The following UNC13D variants were observed in gnomAD, a reference collection of about 807,000 sequenced individuals.
UNC13D encodes unc-13 homolog D, also known as protein unc-13 homolog D.
A neutral mutation model predicts 151.7 loss-of-function variants in UNC13D; 115 were observed. The observed-to-expected ratio is 0.76, with a 90% CI of 0.65 to 0.88. UNC13D has a LOEUF of 0.88. Among genes scored for constraint, UNC13D ranks in the 40% least tolerant of loss-of-function variants. The probability of loss-of-function intolerance (pLI) is 0.00; values close to 1 mark genes in which losing one functional copy is unlikely to be tolerated. For synonymous variants in UNC13D, 588 were observed against 612.2 expected (o/e 0.96, Z 0.58); for missense variants, 1,369 against 1,438.7 (o/e 0.95, Z 0.78).
At chr17:75,842,307 T>C in intron 6 of UNC13D, 126 bp downstream of exon 6, 1 of 1,331,510 alleles carries the variant, frequency 7.5e-7, no homozygotes, top group Non-Finnish European at 1.0e-6. Flanking sequence ...GCTTCTCCTC[T>C]AGTCTTTGCC....
rs1316001288 is a variant in UNC13D at position 75,831,696 on chromosome 17, C to T, written c.2448-348G>A. The stretch of plus-strand genomic sequence containing the variant: ...GACAGAACCAGGCCGGGCGTGGTGG[C>T]TCACGCCTGTAATCCCAGCACTTTG... On this transcript the variant is annotated intron_variant, in intron 25 of 31. Coordinates refer to ENST00000207549, the MANE Select transcript of UNC13D (RefSeq NM_199242.3). 13 of 336,704 alleles carry T rather than the reference C, an allele frequency of 3.9e-5. 1 individual carries two copies. The highest frequency in any genetic ancestry group is 6.2e-5 in the Non-Finnish European group (11 of 177,286). The allele number at this position is 336,704 out of a possible 1,614,324, so 20.9% of individuals were successfully genotyped here. A position where few individuals can be genotyped will look rare whatever the true frequency, so the allele number is the denominator to read the frequency against.
At chr17:75,829,860 G>A in intron 30 of UNC13D, 168 bp downstream of exon 30, 1 of 1,069,188 alleles carries the variant, frequency 9.4e-7, no homozygotes, top group Non-Finnish European at 1.3e-6. Context: ...TGACAGGTGT[G>A]AGCCACCACA....
chr17:75,830,592 G>A lies in UNC13D; in HGVS notation c.2695C>T (p.Arg899Ter), dbSNP rs766657895. The A allele has an allele frequency of 1.3e-5, 21 of 1,560,746 alleles. No individual in the cohort carries two copies. The highest frequency in any genetic ancestry group is 2.7e-5 in the African/African-American group (2 of 73,474). ...RELIRKYFCS[R>*]IQQQAETTSE... ...AGGGGCCTCACCTGCTGCTGGATTCGGCTGCAGAAGTACTTCCGGATGAGT... is the reference window on the plus strand; with the variant it reads ...AGGGGCCTCACCTGCTGCTGGATTCAGCTGCAGAAGTACTTCCGGATGAGT... The change falls in exon 28 of 32, where the codon CGA becomes TGA. Residue 899 changes from arginine (R) to a stop codon, truncating the protein, a stop_gained. Coordinates refer to ENST00000207549, the MANE Select transcript of UNC13D (RefSeq NM_199242.3). LOFTEE classifies it high-confidence loss of function.
rs777262533 is a variant in UNC13D, at chr17:75,830,450, C to T, written c.2742G>A (p.Val914=). 4 of 1,587,520 alleles carry T rather than the reference C, an allele frequency of 2.5e-6. No homozygotes were observed. The African/African-American group carries it at 5.4e-5, about 21-fold the overall frequency. The part of the protein sequence containing the change: ...AETTSEELGA[V]TVKASYRASE... Reference sequence around the variant, plus strand: ...AGGCGCGGTAGGAGGCCTTGACTGTCACAGCCCCCAGCTCCTCAGAGGTGG... The same window carrying T: ...AGGCGCGGTAGGAGGCCTTGACTGTTACAGCCCCCAGCTCCTCAGAGGTGG... Residue 914 remains valine, a synonymous_variant, in exon 29 of 32, where the codon GTG becomes GTA. Transcript: ENST00000207549.
intron 31 of UNC13D, among the ~76,000 whole-genome samples, 198 bp downstream of exon 31, chr17:75,828,589 C>A (rs1048505491): frequency 3.9e-5 from 6 of 152,226 alleles, no homozygotes; most frequent in Non-Finnish European, 7.3e-5. Context: ...GTGACTTCCC[C>A]ATGCAAGGAG....
chr17:75,833,791 G>A lies in UNC13D; in HGVS notation c.2367+284C>T, dbSNP rs777220133. 1.3e-5 allele frequency among the ~76,000 whole-genome samples: 2 copies of A among 152,144 alleles called. No individual in the cohort carries two copies. The highest frequency in any genetic ancestry group is 2.1e-4 in the South Asian group (1 of 4,832). On this transcript the variant is annotated intron_variant, in intron 24 of 31. Transcript: ENST00000207549. This position sits in a 1 kb window ranked among gnomAD's most constrained non-coding sequence, Gnocchi z 4.0. ...GTCAGCTGGCTTGTGTGAACAGGAC[G>A]GCAAAGCTAGGAGGCAGCTGAGAAG...
At position 75,835,438 on chromosome 17, in the gene UNC13D, G is replaced by C. The variant is rs374106771; in HGVS notation, c.1819C>G (p.Arg607Gly). ...LQKTYNEALA[R>G]VQRAVQMDEL... ...TCCATCTGCACAGCGCGCTGCACCC[G>C]CGCCAGGGCCTCGTTGTACGTCTTC... Residue 607 changes from arginine (R) to glycine (G), a missense_variant, in exon 20 of 32, where the codon CGG becomes GGG. Physicochemically the swap from Arg to Gly is moderately radical, Grantham distance 125. Around this residue, in one of 3 missense-constraint regions of UNC13D, gnomAD observed 807 missense variants for 795.5 expected, o/e 1.01. Transcript: ENST00000207549. The C allele has an allele frequency of 5.0e-5, 81 of 1,612,674 alleles. No homozygotes were observed. Among genetic ancestry groups the C allele is most frequent in the Non-Finnish European group, 6.6e-5 (78 of 1,179,838 alleles).
At position 75,828,839 on chromosome 17, in the gene UNC13D, C is replaced by G. The variant is rs770898851; in HGVS notation, c.3099G>C (p.Glu1033Asp). ...REVPGLSGSE[E>D]PGEVPQTRLP... ...GGCGGGTCTGAGGCACCTCACCAGG[C>G]TCCTCAGAGCCACTCAGCCCGGGCA... The change falls in exon 31 of 32, where the codon GAG becomes GAC. Residue 1033 changes from glutamate (E) to aspartate (D), a missense_variant. By Grantham distance (45) the Glu-to-Asp change is conservative. Coordinates refer to ENST00000207549, the MANE Select transcript of UNC13D (RefSeq NM_199242.3). 5.7e-6 allele frequency: 9 copies of G among 1,576,480 alleles called. No homozygotes were observed. The highest frequency in any genetic ancestry group is 1.9e-4 in the Middle Eastern group (1 of 5,344).
intron 12 of UNC13D, among the ~76,000 whole-genome samples, chr17:75,839,271 G>A (rs890031102): frequency 2.0e-5 from 3 of 148,994 alleles, no homozygotes; most frequent in Non-Finnish European, 3.0e-5. Flanking sequence ...GCGTGGTGGC[G>A]CATGCCTGTA....
intron 25 of UNC13D, 184 bp from the exon 26 acceptor site, chr17:75,831,532 G>A: frequency 1.6e-6 from 1 of 616,626 alleles, no homozygotes. Flanking sequence ...TACAGGACCA[G>A]CAAGGGGCAG....
In UNC13D at chr17:75,844,292, GCA is replaced by G; in HGVS notation, c.44_45del (p.Leu15SerfsTer56). 6.2e-7 allele frequency: 1 copy of G among 1,612,770 alleles called. No individual in the cohort carries two copies. Among genetic ancestry groups the G allele is most frequent in the Non-Finnish European group, 8.5e-7 (1 of 1,179,934 alleles). The part of the protein sequence containing the change: ...LSHPQQRPPF[L>X]RQAIKIRRRR... ...CGGCGCCTTATCTTGATGGCCTGGC[GCA>G]AGAAGGGAGGGCGCTGCTGCGGATG... On this transcript the variant is annotated frameshift_variant, in exon 1 of 32. Coordinates refer to ENST00000207549, the MANE Select transcript of UNC13D (RefSeq NM_199242.3). LOFTEE classifies it high-confidence loss of function.
intron 12 of UNC13D, among the ~76,000 whole-genome samples, chr17:75,838,105 A>C (rs1002325742): frequency 6.6e-6 from 1 of 152,072 alleles, no homozygotes; most frequent in African/African-American, 2.4e-5. Flanking sequence ...CCAGCCCAGA[A>C]ATGCACTCCC....
In UNC13D at chr17:75,844,345, T is replaced by C. The variant is rs563405874; in HGVS notation, c.-8A>G. On this transcript the variant is annotated 5_prime_UTR_variant, in exon 1 of 32. Coordinates refer to ENST00000207549, the MANE Select transcript of UNC13D (RefSeq NM_199242.3). ...GGAGAGGAGTGTCGCCATGGTGGCC[T>C]TCTCTGCCCTTCCCTGTCCGCTGGT... is the stretch of plus-strand genomic sequence containing the variant. 3.4e-5 allele frequency: 55 copies of C among 1,604,370 alleles called. No individual in the cohort carries two copies. The South Asian group carries it at 5.8e-4, about 17-fold the overall frequency.
At position 75,834,058 on chromosome 17, in the gene UNC13D, G is replaced by A. The variant is rs757282938; in HGVS notation, c.2367+17C>T. 6 of 1,613,386 alleles carry A rather than the reference G, an allele frequency of 3.7e-6. No homozygotes were observed. The highest frequency in any genetic ancestry group is 3.4e-6 in the Non-Finnish European group (4 of 1,179,994). On this transcript the variant is annotated intron_variant, in intron 24 of 31. Coordinates refer to ENST00000207549, the MANE Select transcript of UNC13D (RefSeq NM_199242.3). The stretch of plus-strand genomic sequence containing the variant: ...CTGGCAGGGTGGTGAAGGCCAGCAG[G>A]CAGAAGGGCCACTTACATCCTCAGG...
In UNC13D at chr17:75,842,455, C is replaced by T. The variant is rs141692294; in HGVS notation, c.547G>A (p.Val183Ile). ...TQVITQTLNP[V>I]WDETFILEFE... is the part of the protein sequence containing the mutation. ...TACAGGATGAAGGTCTCGTCCCAGA[C>T]GGGGTTGAGTGTCTGGGTGATGACC... is the stretch of plus-strand genomic sequence containing the variant. The change falls in exon 6 of 32, where the codon GTC (valine) becomes ATC (isoleucine). Residue 183 changes from valine to isoleucine, a missense_variant. This residue lies in a region of UNC13D where 550 missense variants were observed against 609.0 expected (regional missense o/e 0.90). Transcript: ENST00000207549. 1,106 of 1,612,936 alleles carry T rather than the reference C, an allele frequency of 6.9e-4. 5 individuals are homozygous for T. Among genetic ancestry groups the T allele is most frequent in the Non-Finnish European group, 3.4e-4 (397 of 1,179,624 alleles).
chr17:75,830,947 T>C, intron 27 of UNC13D, 151 bp downstream of exon 27: 1 of 1,065,002 alleles, frequency 9.4e-7, no homozygotes. Flanking sequence ...GTCGTCACCG[T>C]TCTAAAATTT....
Position 75,827,234 on chromosome 17 carries a change from G to A in UNC13D, c.*731C>T. 5.2e-6 allele frequency: 2 copies of A among 387,632 alleles called. No individual in the cohort carries two copies. The highest frequency in any genetic ancestry group is 2.0e-5 in the African/African-American group (1 of 48,922). 24.0% of individuals were successfully genotyped at this position (387,632 alleles called of 1,614,324 possible). A position where few individuals can be genotyped will look rare whatever the true frequency, so the allele number is the denominator to read the frequency against. On this transcript the variant is annotated 3_prime_UTR_variant, in exon 32 of 32. Transcript: ENST00000207549. The stretch of plus-strand genomic sequence containing the variant: ...GTAGGCCAAAGGCATATTTTAAGAG[G>A]ACAATGGATTTGTTTTTATTAATTT...
At chr17:75,838,523 A>G (rs7217432) in intron 12 of UNC13D, among the ~76,000 whole-genome samples, 70,741 of 151,730 alleles carry the variant, frequency 0.47, 20,494 homozygotes, top group African/African-American at 0.83. Context: ...CCGGCCGGCT[A>G]TGTCCCATCT....
intron 12 of UNC13D, among the ~76,000 whole-genome samples, chr17:75,838,638 C>A (rs767906395): frequency 1.7e-4 from 26 of 152,146 alleles, no homozygotes; most frequent in Non-Finnish European, 4.4e-5. Flanking sequence ...TCCTTATCAG[C>A]GCGTAGTTTT....
Sources: gnomAD v4.1 joint callset for allele counts (sites outside exome capture counted in the v4.1 genomes callset) on GRCh38, gnomAD v4.1.1 for gene constraint, gnomAD v4.1.1 regional missense constraint, Gnocchi (gnomAD v3.1) non-coding constraint, MANE v1.5 for transcripts, NCBI Gene and HGNC (gene_info 2026-07-23, HGNC 2026-07-21) for gene names.